Variants in SDK1 observed in about 807,000 individuals in gnomAD.
SDK1 encodes sidekick cell adhesion molecule 1, also known as protein sidekick-1.
In SDK1, 157 loss-of-function variants were observed where a neutral mutation model predicts 245.5. That is an observed-to-expected ratio of 0.64 (90% confidence interval 0.56 to 0.73). SDK1 has a LOEUF of 0.73. SDK1 is among the 30% of genes least tolerant of loss of function. The probability of loss-of-function intolerance (pLI) is 0.00; values close to 1 mark genes in which losing one functional copy is unlikely to be tolerated. For synonymous variants in SDK1, 1,647 were observed against 1,278.5 expected (o/e 1.29, Z -6.15); for missense variants, 3,583 against 3,002.3 (o/e 1.19, Z -4.52).
chr7:3,707,631 G>A (rs940078035), intron 4 of SDK1, among the ~76,000 whole-genome samples: 4 of 152,130 alleles, frequency 2.6e-5, no homozygotes, highest in African/African-American at 9.7e-5. Context: ...TGTCTGTCTG[G>A]TGCTGTCAGT....
At chr7:4,117,156 A>G (rs2128192986) in intron 25 of SDK1, among the ~76,000 whole-genome samples, 1 of 152,338 alleles carries the variant, frequency 6.6e-6, no homozygotes, top group South Asian at 2.1e-4. Context: ...CTTATGGATA[A>G]AATATAACTT....
At chr7:3,479,377 G>T (rs1344732295) in intron 1 of SDK1, among the ~76,000 whole-genome samples, 1 of 131,892 alleles carries the variant, frequency 7.6e-6, no homozygotes, top group Non-Finnish European at 1.5e-5. Context: ...AGCCGATATT[G>T]TGCCACTGCA....
intron 5 of SDK1, among the ~76,000 whole-genome samples, chr7:3,852,409 G>C (rs886979658): frequency 1.3e-5 from 2 of 151,518 alleles, no homozygotes; most frequent in African/African-American, 4.8e-5. Flanking sequence ...CACGAGTCTT[G>C]CAAAAAATGA....
At chr7:4,076,454 G>A (rs1041095881) in intron 20 of SDK1, among the ~76,000 whole-genome samples, 3 of 152,188 alleles carry the variant, frequency 2.0e-5, no homozygotes, top group Non-Finnish European at 2.9e-5. Context: ...TACTCAGGAC[G>A]CTGAGGTGGG....
intron 19 of SDK1, among the ~76,000 whole-genome samples, chr7:4,067,405 C>A (rs1359821701): frequency 6.6e-6 from 1 of 152,190 alleles, no homozygotes; most frequent in African/African-American, 2.4e-5. Flanking sequence ...GGTGAGCCTG[C>A]CCCTGGGCCC....
At chr7:3,572,222 A>T (rs1055628666) in intron 1 of SDK1, among the ~76,000 whole-genome samples, 1 of 152,036 alleles carries the variant, frequency 6.6e-6, no homozygotes, top group African/African-American at 2.4e-5. Context: ...ATTCTTTTTA[A>T]AATTTTTTTG....
intron 4 of SDK1, among the ~76,000 whole-genome samples, chr7:3,765,901 C>G (rs955608295): frequency 2.0e-5 from 3 of 152,180 alleles, no homozygotes; most frequent in African/African-American, 7.2e-5. Context: ...AGGATTCAGA[C>G]TACCTCCTTA....
rs1584337900 is a variant in SDK1, at chr7:4,162,915, G to T, written c.4800+1059G>T. 2.0e-5 allele frequency among the ~76,000 whole-genome samples: 3 copies of T among 152,230 alleles called. No homozygotes were observed. The South Asian group carries it at 6.2e-4, about 31-fold the overall frequency. ...CAGAGGGACAAAACTGCCCAAGGAA[G>T]GGCTGCAGGCCCCAGGGAGATCCCA... is the stretch of plus-strand genomic sequence containing the variant. On this transcript the variant is annotated intron_variant, in intron 32 of 44. Coordinates refer to ENST00000404826, the MANE Select transcript of SDK1 (RefSeq NM_152744.4).
intron 20 of SDK1, among the ~76,000 whole-genome samples, chr7:4,073,118 G>T (rs1780365665): frequency 6.6e-6 from 1 of 152,186 alleles, no homozygotes; most frequent in Non-Finnish European, 1.5e-5. Context: ...TTGGGAGCAG[G>T]TAGGATGCCA....
intron 1 of SDK1, among the ~76,000 whole-genome samples, chr7:3,428,639 G>T: frequency 6.6e-6 from 1 of 152,182 alleles, no homozygotes; most frequent in East Asian, 1.9e-4. Context: ...AACTCTGTCT[G>T]TGCTTAGCTT....
chr7:3,894,907 C>T (rs548462930), intron 5 of SDK1, among the ~76,000 whole-genome samples: 1 of 152,036 alleles, frequency 6.6e-6, no homozygotes, highest in African/African-American at 2.4e-5. Context: ...CGGCCAACTC[C>T]TGACCTCAGG....
intron 5 of SDK1, among the ~76,000 whole-genome samples, chr7:3,833,016 C>T (rs946517408): frequency 3.9e-5 from 6 of 152,012 alleles, no homozygotes; most frequent in Non-Finnish European, 7.4e-5. Flanking sequence ...TTTAGAGCAT[C>T]ATAAAAATGT....
chr7:3,390,396 G>C (rs930006467), intron 1 of SDK1, among the ~76,000 whole-genome samples: 4 of 152,092 alleles, frequency 2.6e-5, no homozygotes, highest in Non-Finnish European at 4.4e-5. Context: ...TACAGTTATC[G>C]AAGCCAATAT....
chr7:4,211,333 G>A (rs1394273059), intron 38 of SDK1, among the ~76,000 whole-genome samples: 1 of 152,208 alleles, frequency 6.6e-6, no homozygotes, highest in Non-Finnish European at 1.5e-5. Flanking sequence ...ATGGCTCGGA[G>A]GAGAACGGGT....
chr7:3,386,003 T>TG (rs1781601578), intron 1 of SDK1, among the ~76,000 whole-genome samples: 1 of 152,024 alleles, frequency 6.6e-6, no homozygotes, highest in Admixed American at 6.6e-5. Flanking sequence ...AGGGAAGCTG[T>TG]GGTAAATAAT....
intron 1 of SDK1, among the ~76,000 whole-genome samples, chr7:3,501,785 C>T (rs1443790582): frequency 6.6e-6 from 1 of 152,108 alleles, no homozygotes; most frequent in African/African-American, 2.4e-5. Flanking sequence ...GATGGACTAT[C>T]AGTATGTTCT....
intron 30 of SDK1, among the ~76,000 whole-genome samples, chr7:4,152,157 G>A (rs546623742): frequency 2.6e-5 from 4 of 152,302 alleles, no homozygotes; most frequent in Non-Finnish European, 4.4e-5. Flanking sequence ...ATTGCTGACC[G>A]CCACGGAACT....
intron 22 of SDK1, among the ~76,000 whole-genome samples, chr7:4,086,696 A>G (rs1157491829): frequency 6.6e-6 from 1 of 151,976 alleles, no homozygotes; most frequent in Non-Finnish European, 1.5e-5. Context: ...ATTACCTTGT[A>G]TTCACCTGGA....
intron 1 of SDK1, among the ~76,000 whole-genome samples, chr7:3,458,032 A>G (rs944554248): frequency 6.6e-6 from 1 of 152,180 alleles, no homozygotes; most frequent in Admixed American, 6.5e-5. Context: ...TATAGCCTCC[A>G]GTGATTCTCT....
Sources: gnomAD v4.1 joint callset for allele counts (sites outside exome capture counted in the v4.1 genomes callset) on GRCh38, gnomAD v4.1.1 for gene constraint, MANE v1.5 for transcripts, NCBI Gene and HGNC (gene_info 2026-07-23, HGNC 2026-07-21) for gene names.